The following COL24A1 variants were observed in gnomAD, a reference collection of about 807,000 sequenced individuals.
COL24A1 encodes the protein collagen type XXIV alpha 1 chain, also known as collagen alpha-1(XXIV) chain.
A neutral mutation model predicts 253.9 loss-of-function variants in COL24A1; 224 were observed. The ratio of observed to expected loss-of-function variants is 0.88; its 90% CI spans 0.79 to 0.99. The LOEUF (loss-of-function observed/expected upper bound fraction) is 0.99. COL24A1 is among the 50% of genes least tolerant of loss of function. The probability of loss-of-function intolerance (pLI) is 0.00; values close to 1 mark genes in which losing one functional copy is unlikely to be tolerated. For missense variants in COL24A1, 2,131 were observed against 2,068.5 expected (o/e 1.03, Z -0.59); for synonymous variants, 685 against 673.7 (o/e 1.02, Z -0.26).
At chr1:86,096,296 A>G (rs761526059) in intron 5 of COL24A1, among the ~76,000 whole-genome samples, 49 of 152,292 alleles carry the variant, frequency 3.2e-4, no homozygotes, top group South Asian at 6.2e-4. Flanking sequence ...GAATCTAAAA[A>G]TTCAGAGTAG....
At chr1:85,825,766 G>A (rs1289877001) in intron 43 of COL24A1, among the ~76,000 whole-genome samples, 1 of 127,942 alleles carries the variant, frequency 7.8e-6, no homozygotes, top group Non-Finnish European at 1.7e-5. Flanking sequence ...CTTTTTGATG[G>A]GGTTGTTTGT....
intron 22 of COL24A1, among the ~76,000 whole-genome samples, chr1:85,967,155 G>A (rs1203359520): frequency 6.6e-6 from 1 of 152,170 alleles, no homozygotes; most frequent in East Asian, 1.9e-4. Context: ...ATAGATAAAA[G>A]AAGGTGGGTA....
chr1:85,896,612 A>C (rs1174140630), intron 28 of COL24A1, among the ~76,000 whole-genome samples: 1 of 151,864 alleles, frequency 6.6e-6, no homozygotes, highest in Non-Finnish European at 1.5e-5. Flanking sequence ...CTCCTGCCTC[A>C]GCCTCCCCCT....
chr1:86,032,288 G>C (rs1698637939), intron 13 of COL24A1, among the ~76,000 whole-genome samples: 1 of 152,128 alleles, frequency 6.6e-6, no homozygotes, highest in Non-Finnish European at 1.5e-5. Context: ...AGCACGTAGG[G>C]TTAGAAAAAC....
rs1208771168 is a variant in COL24A1, at chr1:85,955,438, C to A, written c.2562+5811G>T. Among the ~76,000 whole-genome samples the A allele has an allele frequency of 2.0e-5, 3 of 152,230 alleles. 1 individual carries two copies. Among genetic ancestry groups the A allele is most frequent in the Middle Eastern group, 6.3e-3 (2 of 316 alleles). On this transcript the variant is annotated intron_variant, in intron 24 of 59. Coordinates refer to ENST00000370571, the MANE Select transcript of COL24A1 (RefSeq NM_152890.7). ...CGATAAGGCAGAGCATCTAATTGAGCTGATTAACACAAGCCGCCTGCAGAC... is the reference window on the plus strand; with the variant it reads ...CGATAAGGCAGAGCATCTAATTGAGATGATTAACACAAGCCGCCTGCAGAC...
intron 24 of COL24A1, among the ~76,000 whole-genome samples, chr1:85,926,756 T>C (rs1687290429): frequency 6.6e-6 from 1 of 152,106 alleles, no homozygotes; most frequent in Non-Finnish European, 1.5e-5. Flanking sequence ...ACATGGCGCA[T>C]GTATACCTAT....
chr1:85,801,919 A>T (rs918942754), intron 47 of COL24A1, among the ~76,000 whole-genome samples: 1 of 152,206 alleles, frequency 6.6e-6, no homozygotes, highest in Non-Finnish European at 1.5e-5. Context: ...TGTGCAAGTT[A>T]GAAATTTGGA....
At chr1:85,795,206 T>C (rs1239012731) in intron 47 of COL24A1, among the ~76,000 whole-genome samples, 1 of 152,196 alleles carries the variant, frequency 6.6e-6, no homozygotes, top group Non-Finnish European at 1.5e-5. Flanking sequence ...TTAGTGCAAG[T>C]CTGCCTTCAT....
chr1:85,784,258 C>T lies in COL24A1; in HGVS notation c.4167+1G>A. On this transcript the variant is annotated splice_donor_variant, in intron 49 of 59. Coordinates refer to ENST00000370571, the MANE Select transcript of COL24A1 (RefSeq NM_152890.7). LOFTEE classifies it high-confidence loss of function. ...TGGTGAATTTCTGAGGTGGTACATA[C>T]AGGCTGCCCTTTCAGGCCAGGGTCT... The T allele has an allele frequency of 6.2e-7, 1 of 1,613,836 alleles. No individual in the cohort carries two copies. The highest frequency in any genetic ancestry group is 1.7e-4 in the Middle Eastern group (1 of 6,056).
chr1:86,074,704 G>A (rs372027929), intron 7 of COL24A1, among the ~76,000 whole-genome samples: 1 of 152,122 alleles, frequency 6.6e-6, no homozygotes, highest in East Asian at 1.9e-4. Flanking sequence ...CACATAATTG[G>A]AAGTAAAACA....
chr1:85,737,621 C>T (rs989999240), intron 57 of COL24A1, 116 bp from the exon 58 acceptor site: 25 of 671,600 alleles, frequency 3.7e-5, no homozygotes, highest in Non-Finnish European at 5.3e-5. Flanking sequence ...TGGAGTGCAG[C>T]GGTGCGATCT....
At chr1:86,126,292 T>C (rs1471928574) in intron 2 of COL24A1, 78 bp from the exon 3 acceptor site, 39 of 1,319,104 alleles carry the variant, frequency 3.0e-5, no homozygotes, top group Non-Finnish European at 3.9e-5. Context: ...TTGAATATGA[T>C]AAAAATCTTC....
chr1:85,790,238 A>T (rs1670121089), intron 47 of COL24A1, among the ~76,000 whole-genome samples: 1 of 152,132 alleles, frequency 6.6e-6, no homozygotes, highest in Admixed American at 6.6e-5. Context: ...AGAACTCATT[A>T]TTGGTCTATT....
At chr1:85,813,979 G>T (rs554824298) in intron 47 of COL24A1, among the ~76,000 whole-genome samples, 1 of 152,138 alleles carries the variant, frequency 6.6e-6, no homozygotes, top group African/African-American at 2.4e-5. Context: ...AATGTCATTG[G>T]TGGCACCCTA....
chr1:85,923,644 C>T (rs1335618033), intron 24 of COL24A1, among the ~76,000 whole-genome samples: 2 of 152,034 alleles, frequency 1.3e-5, no homozygotes, highest in African/African-American at 2.4e-5. Context: ...CACAACGTAC[C>T]GGAATCTCTG....
At chr1:86,030,980 C>T (rs72716130) in intron 14 of COL24A1, among the ~76,000 whole-genome samples, 14,566 of 152,108 alleles carry the variant, frequency 0.096, 832 homozygotes, top group Middle Eastern at 0.21. Context: ...AGGCTATCAG[C>T]ATACTGAACA....
intron 35 of COL24A1, among the ~76,000 whole-genome samples, chr1:85,873,749 C>T (rs1188146344): frequency 2.0e-5 from 3 of 151,742 alleles, no homozygotes; most frequent in Admixed American, 6.6e-5. Context: ...TTAATGGGTG[C>T]AGCACACCAA....
In COL24A1 at chr1:85,940,180, G is replaced by A. The variant is rs1336683368; in HGVS notation, c.2562+21069C>T. 2.6e-5 allele frequency among the ~76,000 whole-genome samples: 2 copies of A among 77,302 alleles called. 1 individual carries two copies. Among genetic ancestry groups the A allele is most frequent in the East Asian group, 1.1e-3 (2 of 1,846 alleles). 50.7% of individuals were successfully genotyped at this position (77,302 alleles called of 152,430 possible). On this transcript the variant is annotated intron_variant, in intron 24 of 59. Transcript: ENST00000370571. ...AGCACTTTGGGAGGCCGAGGCGGGC[G>A]GATCACGAGGTCAGGAGATCGAGAC...
intron 5 of COL24A1, among the ~76,000 whole-genome samples, chr1:86,108,620 T>TAAAAAAA (rs55852463): frequency 4.8e-5 from 4 of 83,096 alleles, no homozygotes; most frequent in South Asian, 4.9e-4. Context: ...CCATCTCTAC[T>TAAAAAAA]AAAAAAAAAA....
Sources: gnomAD v4.1 joint callset for allele counts (sites outside exome capture counted in the v4.1 genomes callset) on GRCh38, gnomAD v4.1.1 for gene constraint, MANE v1.5 for transcripts, NCBI Gene and HGNC (gene_info 2026-07-23, HGNC 2026-07-21) for gene names.